The following CDKL4 variants were observed in gnomAD, a reference collection of about 807,000 sequenced individuals.
CDKL4 encodes the protein cyclin-dependent kinase-like 4.
Under a neutral mutation model 42.0 loss-of-function variants are expected in CDKL4, and 44 were observed. The ratio of observed to expected loss-of-function variants is 1.05; its 90% CI spans 0.82 to 1.35. CDKL4 has a LOEUF of 1.35. Ranked by LOEUF, CDKL4 falls within the 40% of genes most tolerant of loss-of-function variation. CDKL4 has a pLI of 0.00. For missense variants in CDKL4, 393 were observed against 369.9 expected (o/e 1.06, Z -0.51); for synonymous variants, 120 against 121.6 (o/e 0.99, Z 0.09).
At chr2:39,203,916 A>G (rs1677000277) in intron 5 of CDKL4, among the ~76,000 whole-genome samples, 2 of 152,200 alleles carry the variant, frequency 1.3e-5, no homozygotes, top group South Asian at 4.1e-4. Flanking sequence ...TTTGGGTCCC[A>G]TCAGGATACC....
chr2:39,239,554 A>C (rs1679545938), intron 1 of CDKL4, among the ~76,000 whole-genome samples: 1 of 152,258 alleles, frequency 6.6e-6, no homozygotes, highest in Non-Finnish European at 1.5e-5. Flanking sequence ...AAAAGATGTG[A>C]ATAGACATTT....
intron 7 of CDKL4, among the ~76,000 whole-genome samples, chr2:39,185,420 ATATATACATATGTATATATACATG>A (rs1227443711): frequency 0.13 from 1,533 of 11,504 alleles, 444 homozygotes; most frequent in Non-Finnish European, 0.37. Flanking sequence ...ATATACATAT[ATATATACATATGTATATATACATG>A]TATATATACA....
chr2:39,170,649 G>T (rs1184260058), downstream of CDKL4, among the ~76,000 whole-genome samples: 3 of 152,136 alleles, frequency 2.0e-5, no homozygotes, highest in Non-Finnish European at 4.4e-5. Flanking sequence ...GAGAGACGGG[G>T]TTTCGCCATG....
At chr2:39,225,882 A>C (rs771696927) in exon 3 of CDKL4, 1 of 1,611,908 alleles carries the variant, frequency 6.2e-7, no homozygotes, top group South Asian at 1.1e-5. Context: ...GTATGATCAC[A>C]GTATTCAAAA....
chr2:39,185,333 T>C lies in CDKL4; in HGVS notation c.736-686A>G, dbSNP rs1321060425. ...GTATATATACATATATATACACATA[T>C]GTATATATATACACATATGTATATA... On this transcript the variant is annotated intron_variant, in intron 7 of 9. Coordinates refer to ENST00000451199, the Ensembl canonical transcript of CDKL4. Among the ~76,000 whole-genome samples, 4 of 103,618 alleles carry C rather than the reference T, an allele frequency of 3.9e-5. 1 individual carries two copies. The highest frequency in any genetic ancestry group is 7.9e-5 in the African/African-American group (2 of 25,372). The allele number at this position is 103,618 out of a possible 152,430, so 68.0% of individuals were successfully genotyped here.
chr2:39,176,071 C>T (rs532034869), exon 10 of CDKL4: 1 of 470,310 alleles, frequency 2.1e-6, no homozygotes, highest in South Asian at 1.6e-5. Flanking sequence ...GATGTGGCTT[C>T]CTGGTATGAG....
Position 39,199,158 on chromosome 2 carries a change from T to C in CDKL4, c.454+5369A>G, listed in dbSNP as rs1350029548. 4.3e-4 allele frequency among the ~76,000 whole-genome samples: 65 copies of C among 152,060 alleles called. 1 individual carries two copies. The highest frequency in any genetic ancestry group is 3.1e-4 in the Non-Finnish European group (21 of 67,966). ...TCAATTAGAAATGAAACAGGAGATA[T>C]TATAACTGATACCACAGAAATACAA... is the stretch of plus-strand genomic sequence containing the variant. On this transcript the variant is annotated intron_variant, in intron 5 of 9. Transcript: ENST00000451199.
At chr2:39,217,239 T>G (rs901752385) in intron 3 of CDKL4, among the ~76,000 whole-genome samples, 2 of 152,200 alleles carry the variant, frequency 1.3e-5, no homozygotes, top group African/African-American at 4.8e-5. Context: ...AAATATTCGG[T>G]TGGTACAAAA....
At chr2:39,238,316 T>C (rs768075099) in intron 1 of CDKL4, among the ~76,000 whole-genome samples, 12 of 152,136 alleles carry the variant, frequency 7.9e-5, no homozygotes, top group Admixed American at 4.6e-4. Context: ...GCCTGTGGTC[T>C]CAGCTGCTTG....
upstream of CDKL4, among the ~76,000 whole-genome samples, chr2:39,245,512 C>A (rs1395490281): frequency 1.3e-5 from 2 of 152,202 alleles, no homozygotes; most frequent in African/African-American, 4.8e-5. Context: ...CCACCAATTC[C>A]GGACATACTT....
At chr2:39,243,256 A>G (rs1679754581) in intron 1 of CDKL4, among the ~76,000 whole-genome samples, 1 of 152,080 alleles carries the variant, frequency 6.6e-6, no homozygotes, top group South Asian at 2.1e-4. Context: ...TTTCAACCAA[A>G]CCAAACATGA....
chr2:39,170,290 AAAAAAGAAAG>A, the CDKL4 span, among the ~76,000 whole-genome samples: 3 of 144,900 alleles, frequency 2.1e-5, no homozygotes, highest in Admixed American at 6.9e-5. Flanking sequence ...AAAAAAAAAA[AAAAAAGAAAG>A]AAAAGAAAAG....
At chr2:39,193,378 A>ATTG (rs896230963) in intron 5 of CDKL4, among the ~76,000 whole-genome samples, 7 of 149,620 alleles carry the variant, frequency 4.7e-5, no homozygotes, top group Non-Finnish European at 7.4e-5. Flanking sequence ...TATTATTATT[A>ATTG]TTATTATTGT....
In CDKL4 at chr2:39,225,879, C is replaced by T. The variant is rs745670477; in HGVS notation, c.250G>A (p.Asp84Asn). 53 of 1,611,374 alleles carry T rather than the reference C, an allele frequency of 3.3e-5. No individual in the cohort carries two copies. The highest frequency in any genetic ancestry group is 4.2e-5 in the Non-Finnish European group (50 of 1,178,848). Residue 84 changes from aspartate to asparagine, a missense_variant, in exon 3 of 10, where the codon GAT (aspartate) becomes AAT (asparagine). Transcript: ENST00000451199. The stretch of plus-strand genomic sequence containing the variant: ...TCCAGCTCATTTAAAAGTGTATGAT[C>T]ACAGTATTCAAAAACTAAATGCATT...
rs528916358 is a variant in CDKL4, at chr2:39,236,773, C to CA, written c.-57+7097dup. Among the ~76,000 whole-genome samples, 649 of 152,180 alleles carry CA rather than the reference C, an allele frequency of 4.3e-3. 3 individuals carry two copies. The highest frequency in any genetic ancestry group is 7.2e-3 in the Non-Finnish European group (491 of 67,988). On this transcript the variant is annotated intron_variant, in intron 1 of 9. Coordinates refer to ENST00000451199, the Ensembl canonical transcript of CDKL4. The stretch of plus-strand genomic sequence containing the variant: ...TGACAATATTCCAAACAAGTTTACG[C>CA]AACAAAATTAGTCAAGTTGGTTGGA...
Position 39,243,389 on chromosome 2 carries a change from T to C in CDKL4, c.-57+482A>G, listed in dbSNP as rs116821506. Among the ~76,000 whole-genome samples the C allele has an allele frequency of 9.3e-3, 1,420 of 152,304 alleles. 8 individuals carry two copies. The highest frequency in any genetic ancestry group is 0.015 in the Admixed American group (229 of 15,304). ...GTTTATAAACCTGTCCAGTTGACAA[T>C]ACAATCAGACTAATTAAAAGCATCC... On this transcript the variant is annotated intron_variant, in intron 1 of 9. Transcript: ENST00000451199.
chr2:39,185,371 T>C lies in CDKL4; in HGVS notation c.736-724A>G, dbSNP rs183272791. Reference sequence around the variant, plus strand: ...ACATATGTATATATACATATATATATACATATGTATATATACATGTATATA... The same window carrying C: ...ACATATGTATATATACATATATATACACATATGTATATATACATGTATATA... On this transcript the variant is annotated intron_variant, in intron 7 of 9. Transcript: ENST00000451199. Among the ~76,000 whole-genome samples the C allele has an allele frequency of 8.8e-3, 325 of 36,974 alleles. 71 individuals are homozygous for C. Among genetic ancestry groups the C allele is most frequent in the African/African-American group, 0.022 (157 of 7,108 alleles). The allele number at this position is 36,974 out of a possible 152,430, so 24.3% of individuals were successfully genotyped here.
At chr2:39,207,774 G>C (rs938716199) in intron 4 of CDKL4, among the ~76,000 whole-genome samples, 1 of 152,174 alleles carries the variant, frequency 6.6e-6, no homozygotes, top group African/African-American at 2.4e-5. Context: ...TAAAGAGTGA[G>C]AGGATACTGA....
intron 5 of CDKL4, among the ~76,000 whole-genome samples, chr2:39,194,014 G>A (rs574989841): frequency 6.6e-6 from 1 of 152,262 alleles, no homozygotes; most frequent in East Asian, 1.9e-4. Context: ...TGAACATTAT[G>A]TTGTATTATT....
Sources: gnomAD v4.1 joint callset for allele counts (sites outside exome capture counted in the v4.1 genomes callset) on GRCh38, gnomAD v4.1.1 for gene constraint, MANE v1.5 for transcripts, NCBI Gene and HGNC (gene_info 2026-07-23, HGNC 2026-07-21) for gene names.